The following PRKCZ variants were observed in gnomAD, a reference collection of about 807,000 sequenced individuals.
PRKCZ encodes the protein protein kinase C zeta.
PRKCZ carries 33 observed loss-of-function variants against 79.5 expected under a neutral mutation model. The ratio of observed to expected loss-of-function variants is 0.41; its 90% CI spans 0.31 to 0.55. PRKCZ has a LOEUF of 0.55. Ranked by LOEUF, PRKCZ falls within the 20% of genes least tolerant of loss-of-function variation. The pLI is 0.19. For synonymous variants in PRKCZ, 342 were observed against 320.9 expected, an observed-to-expected ratio of 1.07 and a Z score of -0.70; for missense variants, 578 against 813.5, an observed-to-expected ratio of 0.71 and a Z score of 3.52.
At chr1:2,086,396 G>A (rs956480901) in intron 4 of PRKCZ, among the ~76,000 whole-genome samples, 8 of 152,190 alleles carry the variant, frequency 5.3e-5, no homozygotes, top group African/African-American at 1.2e-4. Context: ...GTGAGCCTCC[G>A]CACCTGGCCT....
At chr1:2,181,831 G>A (rs1275696575) in intron 16 of PRKCZ, 1 of 456,208 alleles carries the variant, frequency 2.2e-6, no homozygotes, top group African/African-American at 2.0e-5. Flanking sequence ...TTTATCGGCA[G>A]GTGTTTCATA....
At chr1:2,157,138 G>A (rs262657) in intron 10 of PRKCZ, among the ~76,000 whole-genome samples, 35,847 of 152,016 alleles carry the variant, frequency 0.24, 4,869 homozygotes, top group Admixed American at 0.33. Context: ...TGGATAGCTC[G>A]GTAGTCAGGG....
At chr1:2,184,886 G>A (rs765616505) in intron 17 of PRKCZ, 36 bp from the exon 18 acceptor site, 24 of 1,569,820 alleles carry the variant, frequency 1.5e-5, no homozygotes, top group African/African-American at 6.8e-5. Flanking sequence ...ATGAACACAC[G>A]GTCACCCCCC....
intron 1 of PRKCZ, among the ~76,000 whole-genome samples, chr1:2,055,067 C>G (rs966519911): frequency 5.9e-5 from 9 of 152,038 alleles, no homozygotes; most frequent in Admixed American, 5.2e-4. Context: ...CTCAGCCTCC[C>G]GAGTAGCTGG....
At chr1:2,056,434 C>A in intron 2 of PRKCZ, 50 bp from the exon 3 acceptor site, 1 of 1,554,868 alleles carries the variant, frequency 6.4e-7, no homozygotes, top group Non-Finnish European at 8.8e-7. Flanking sequence ...TCACAGCCCC[C>A]TTTGCCTCGG....
Position 2,127,342 on chromosome 1 carries a change from GC to G in PRKCZ, c.335-7919del, listed in dbSNP as rs938314597. On this transcript the variant is annotated intron_variant, in intron 4 of 17. Transcript: ENST00000378567. The surrounding 1 kb of genome is among the most constrained non-coding windows in gnomAD (Gnocchi z 5.1). ...TGGTTAGAAACGGGAAGTTTGAGTT[GC>G]AGGCTTGCGATCCGGGCAGGTCCCT... Among the ~76,000 whole-genome samples, 27 of 108,480 alleles carry G rather than the reference GC, an allele frequency of 2.5e-4. No homozygotes were observed. Among genetic ancestry groups the G allele is most frequent in the Admixed American group, 1.2e-3 (13 of 10,850 alleles). The allele number at this position is 108,480 out of a possible 152,430, so 71.2% of individuals were successfully genotyped here.
Position 2,115,774 on chromosome 1 carries a change from G to A in PRKCZ, c.335-19488G>A, listed in dbSNP as rs138495472. 8.5e-5 allele frequency among the ~76,000 whole-genome samples: 13 copies of A among 152,330 alleles called. No individual in the cohort carries two copies. The East Asian group carries it at 2.3e-3, about 27-fold the overall frequency. On this transcript the variant is annotated intron_variant, in intron 4 of 17. Coordinates refer to ENST00000378567, the MANE Select transcript of PRKCZ (RefSeq NM_002744.6). ...GGACAGCCACACGGAGGAGCTGCACGGGAGGCTGAGGTATGGGGGGTGCAG... is the reference window on the plus strand; with the variant it reads ...GGACAGCCACACGGAGGAGCTGCACAGGAGGCTGAGGTATGGGGGGTGCAG...
chr1:2,116,789 G>C (rs1670845764), intron 4 of PRKCZ, among the ~76,000 whole-genome samples: 1 of 152,132 alleles, frequency 6.6e-6, no homozygotes, highest in African/African-American at 2.4e-5. Flanking sequence ...ACATGGGCTT[G>C]TTAATAAGCC....
At chr1:2,058,959 C>T (rs1433990263) in intron 3 of PRKCZ, among the ~76,000 whole-genome samples, 2 of 151,972 alleles carry the variant, frequency 1.3e-5, no homozygotes, top group African/African-American at 4.8e-5. Flanking sequence ...TATGTGTATA[C>T]ACACACACAT....
chr1:2,102,501 T>G (rs1031854523), intron 4 of PRKCZ, among the ~76,000 whole-genome samples: 4 of 151,480 alleles, frequency 2.6e-5, no homozygotes, highest in African/African-American at 9.7e-5. Context: ...TCCCGCTAAT[T>G]TTTTGTATTT....
Position 2,137,926 on chromosome 1 carries a change from G to A in PRKCZ, c.420+2579G>A, listed in dbSNP as rs534837501. 2.4e-4 allele frequency among the ~76,000 whole-genome samples: 36 copies of A among 152,360 alleles called. 1 individual carries two copies. The highest frequency in any genetic ancestry group is 1.9e-3 in the East Asian group (10 of 5,186). On this transcript the variant is annotated intron_variant, in intron 5 of 17. Coordinates refer to ENST00000378567, the MANE Select transcript of PRKCZ (RefSeq NM_002744.6). ...GTTTCACAAACACAGAGGCCAAGGC[G>A]AGAGTGGCCCGAAAGCCTGCAACCT...
chr1:2,098,100 AAGGTCAGAGC>A lies in PRKCZ; in HGVS notation c.335-37157_335-37148del, dbSNP rs372567620. ...AACAGAGCAGGTGACAAGGATGACTAAGGTCAGAGCAGGTGACCAGGGGTGACTAAGGACA... is the reference window on the plus strand; with the variant it reads ...AACAGAGCAGGTGACAAGGATGACTAAGGTGACCAGGGGTGACTAAGGACA... On this transcript the variant is annotated intron_variant, in intron 4 of 17. Coordinates refer to ENST00000378567, the MANE Select transcript of PRKCZ (RefSeq NM_002744.6). 3.8e-5 allele frequency among the ~76,000 whole-genome samples: 5 copies of A among 132,902 alleles called. No individual in the cohort carries two copies. The South Asian group carries it at 7.5e-4, about 20-fold the overall frequency. 87.2% of individuals were successfully genotyped at this position (132,902 alleles called of 152,430 possible).
rs540805931 is a variant in PRKCZ, at chr1:2,094,983, C to T, written c.334+35392C>T. Among the ~76,000 whole-genome samples the T allele has an allele frequency of 7.2e-5, 11 of 152,260 alleles. 1 individual carries two copies. Among genetic ancestry groups the T allele is most frequent in the Admixed American group, 4.6e-4 (7 of 15,312 alleles). On this transcript the variant is annotated intron_variant, in intron 4 of 17. Transcript: ENST00000378567. The surrounding 1 kb of genome is among the most constrained non-coding windows in gnomAD (Gnocchi z 7.3). ...CCGGCATGACACGGACACTGGTGCCCGAGTGATGCCTGTGGGTGATGCAGA... is the reference window on the plus strand; with the variant it reads ...CCGGCATGACACGGACACTGGTGCCTGAGTGATGCCTGTGGGTGATGCAGA...
intron 5 of PRKCZ, among the ~76,000 whole-genome samples, chr1:2,138,009 G>T (rs2103053323): frequency 6.6e-6 from 1 of 152,304 alleles, no homozygotes; most frequent in Admixed American, 6.5e-5. Context: ...CCGCCTAATT[G>T]TGCCCGGGCT....
intron 4 of PRKCZ, among the ~76,000 whole-genome samples, chr1:2,095,994 G>C (rs1666438641): frequency 6.7e-6 from 1 of 149,224 alleles, no homozygotes; most frequent in Non-Finnish European, 1.5e-5. Flanking sequence ...GGCAGGGCTG[G>C]CCCCTCACTC....
intron 4 of PRKCZ, among the ~76,000 whole-genome samples, chr1:2,077,629 A>T (rs1359129174): frequency 2.6e-5 from 4 of 152,222 alleles, no homozygotes; most frequent in African/African-American, 9.7e-5. Context: ...TAAGGTGTTG[A>T]TAGTTCTGTG....
At chr1:2,105,114 A>G (rs1304081411) in intron 4 of PRKCZ, among the ~76,000 whole-genome samples, 3 of 151,900 alleles carry the variant, frequency 2.0e-5, no homozygotes, top group Admixed American at 6.6e-5. Context: ...CCATGAAGCA[A>G]TTTCCCATCC....
At chr1:2,105,253 G>C (rs1385250248) in intron 4 of PRKCZ, among the ~76,000 whole-genome samples, 1 of 152,178 alleles carries the variant, frequency 6.6e-6, no homozygotes, top group Non-Finnish European at 1.5e-5. Context: ...CAGCTGGTTT[G>C]TCCCTGCCTG....
intron 4 of PRKCZ, among the ~76,000 whole-genome samples, chr1:2,118,546 C>T (rs1671207074): frequency 6.6e-6 from 1 of 150,788 alleles, no homozygotes; most frequent in Non-Finnish European, 1.5e-5. Context: ...ACCGTGTTAG[C>T]CAGGATGGTC....
Sources: allele counts gnomAD v4.1 joint callset (sites outside exome capture counted in the v4.1 genomes callset), GRCh38; gene constraint gnomAD v4.1.1; non-coding constraint Gnocchi (gnomAD v3.1); transcripts MANE v1.5; gene names NCBI Gene and HGNC (gene_info 2026-07-23, HGNC 2026-07-21).